Variants in ASXL1 observed in about 807,000 individuals in gnomAD.
ASXL1 encodes ASXL transcriptional regulator 1.
A neutral mutation model predicts 89.1 loss-of-function variants in ASXL1; 65 were observed. The ratio of observed to expected loss-of-function variants is 0.73; its 90% CI spans 0.60 to 0.90. ASXL1 has a LOEUF of 0.90. ASXL1 is among the 40% of genes least tolerant of loss of function. The pLI, the probability that ASXL1 is intolerant of heterozygous loss-of-function variation, is 0.00. For synonymous variants in ASXL1, 739 were observed against 746.9 expected, an observed-to-expected ratio of 0.99 and a Z score of 0.17; for missense variants, 1,786 against 1,942.9, an observed-to-expected ratio of 0.92 and a Z score of 1.52.
chr20:32,367,102 G>A (rs1314428362), intron 2 of ASXL1, among the ~76,000 whole-genome samples: 2 of 151,942 alleles, frequency 1.3e-5, no homozygotes, highest in East Asian at 1.9e-4. Context: ...AAAAAGCTGG[G>A]GGTAGTGGCC....
chr20:32,382,734 T>C (rs1446721422), intron 4 of ASXL1, among the ~76,000 whole-genome samples: 2 of 152,052 alleles, frequency 1.3e-5, no homozygotes, highest in Non-Finnish European at 2.9e-5. Context: ...TGCAGTGAGC[T>C]GTGATTGTGC....
chr20:32,418,598 A>G (rs2049179131), intron 4 of ASXL1, among the ~76,000 whole-genome samples: 1 of 152,094 alleles, frequency 6.6e-6, no homozygotes, highest in African/African-American at 2.4e-5. Context: ...GGTCATTCCT[A>G]TTCTCACCTC....
chr20:32,437,567 C>T lies in ASXL1; in HGVS notation c.*229C>T, dbSNP rs2012000462. On this transcript the variant is annotated 3_prime_UTR_variant, in exon 13 of 13. Transcript: ENST00000375687. ...ATTGGGCTGCCCAAGGCCAGCCAGC[C>T]TGAGCTCTCCTGCAAGACAGAGCCT... The T allele has an allele frequency of 3.3e-6, 2 of 611,508 alleles. No individual in the cohort carries two copies. The highest frequency in any genetic ancestry group is 3.0e-5 in the East Asian group (1 of 33,266). The allele number at this position is 611,508 out of a possible 1,614,324, so 37.9% of individuals were successfully genotyped here.
chr20:32,416,248 T>C (rs1264498330), intron 4 of ASXL1, among the ~76,000 whole-genome samples: 3 of 152,250 alleles, frequency 2.0e-5, no homozygotes, highest in Non-Finnish European at 2.9e-5. Flanking sequence ...TATTCTACTA[T>C]TGAATATTAG....
intron 4 of ASXL1, among the ~76,000 whole-genome samples, chr20:32,422,279 T>G (rs2123171837): frequency 6.6e-6 from 1 of 151,208 alleles, no homozygotes; most frequent in African/African-American, 2.4e-5. Context: ...TTGTTAGAAC[T>G]CATTAAATGG....
chr20:32,414,156 C>A (rs1600547999), intron 4 of ASXL1, among the ~76,000 whole-genome samples: 1 of 152,102 alleles, frequency 6.6e-6, no homozygotes, highest in East Asian at 1.9e-4. Flanking sequence ...GGGTCTTTTT[C>A]ATTCATTATG....
At chr20:32,362,124 T>C (rs1408968228) in intron 1 of ASXL1, among the ~76,000 whole-genome samples, 1 of 152,216 alleles carries the variant, frequency 6.6e-6, no homozygotes, top group East Asian at 1.9e-4. Context: ...GCTGTAACAC[T>C]GTACTGGAGA....
At chr20:32,401,636 A>G (rs1048091830) in intron 4 of ASXL1, among the ~76,000 whole-genome samples, 23 of 149,548 alleles carry the variant, frequency 1.5e-4, no homozygotes, top group African/African-American at 3.0e-4. Context: ...GCTCACTGCA[A>G]TCTGCACCTC....
At chr20:32,369,173 G>A (rs2048255866) in intron 4 of ASXL1, 50 bp downstream of exon 4, 1 of 1,527,580 alleles carries the variant, frequency 6.5e-7, no homozygotes. Context: ...GACTTTTAAT[G>A]TGCATAAAAA....
In ASXL1 at chr20:32,429,977, C is replaced by T. The variant is rs1001924517; in HGVS notation, c.642C>T (p.Ser214=). The change falls in exon 8 of 13, where the codon AGC becomes AGT. Residue 214 remains serine, a synonymous_variant. Coordinates refer to ENST00000375687, the MANE Select transcript of ASXL1 (RefSeq NM_015338.6). The surrounding 1 kb of genome is among the most constrained non-coding windows in gnomAD (Gnocchi z 4.9). ...SSSSGSLALG[S]AAIRGQAEVT... is the part of the protein sequence containing the mutation. Reference sequence around the variant, plus strand: ...GCAGCGGCTCTCTGGCCCTGGGCAGCGCTGCTATTCGTGGCCAGGCCGAGG... The same window carrying T: ...GCAGCGGCTCTCTGGCCCTGGGCAGTGCTGCTATTCGTGGCCAGGCCGAGG... 2.5e-6 allele frequency: 4 copies of T among 1,608,954 alleles called. No individual in the cohort carries two copies. Among genetic ancestry groups the T allele is most frequent in the South Asian group, 2.2e-5 (2 of 91,054 alleles).
intron 4 of ASXL1, among the ~76,000 whole-genome samples, chr20:32,375,264 G>A (rs544567183): frequency 2.4e-4 from 37 of 151,924 alleles, no homozygotes; most frequent in Non-Finnish European, 3.7e-4. Flanking sequence ...TCAGGAGTTC[G>A]CGGCAAAACC....
chr20:32,390,906 TC>T (rs1309264721), intron 4 of ASXL1, among the ~76,000 whole-genome samples: 4 of 152,004 alleles, frequency 2.6e-5, no homozygotes, highest in African/African-American at 9.7e-5. Context: ...TTCTTTTTTT[TC>T]TTTTTGGAGA....
rs763280972 is a variant in ASXL1, at chr20:32,435,133, T to TC, written c.2423dup (p.Ala809CysfsTer13). 1 of 1,613,940 alleles carries TC rather than the reference T, an allele frequency of 6.2e-7. No individual in the cohort carries two copies. The highest frequency in any genetic ancestry group is 8.5e-7 in the Non-Finnish European group (1 of 1,180,022). ...ATGATGAGGAGCAAGGACCCACCGTTCCTGCAGACAATGGTCCCATTCCGT... is the reference window on the plus strand; with the variant it reads ...ATGATGAGGAGCAAGGACCCACCGTTCCCTGCAGACAATGGTCCCATTCCGT... On this transcript the variant is annotated frameshift_variant, in exon 13 of 13. Coordinates refer to ENST00000375687, the MANE Select transcript of ASXL1 (RefSeq NM_015338.6). LOFTEE classifies it low-confidence loss of function (END_TRUNC).
At chr20:32,361,252 A>G (rs2048105394) in intron 1 of ASXL1, among the ~76,000 whole-genome samples, 1 of 152,156 alleles carries the variant, frequency 6.6e-6, no homozygotes, top group Non-Finnish European at 1.5e-5. Context: ...GAGGCTGAGG[A>G]TAGCTTAGGC....
rs11167168 is a variant in ASXL1, at chr20:32,422,580, ATT to A, written c.253-5526_253-5525del. On this transcript the variant is annotated intron_variant, in intron 4 of 12. Transcript: ENST00000375687. The stretch of plus-strand genomic sequence containing the variant: ...TAACTGTGTGGTGAAGGATTGGTTA[ATT>A]TTTTTTTTTTTTTTTTTTTTTAAAG... 4.0e-3 allele frequency among the ~76,000 whole-genome samples: 437 copies of A among 107,986 alleles called. 3 individuals carry two copies. The highest frequency in any genetic ancestry group is 8.5e-3 in the African/African-American group (227 of 26,550). The allele number at this position is 107,986 out of a possible 152,430, so 70.8% of individuals were successfully genotyped here. A position where few individuals can be genotyped will look rare whatever the true frequency, so the allele number is the denominator to read the frequency against.
In ASXL1 at chr20:32,429,852, TG is replaced by T; in HGVS notation, c.566-46del. 3 of 1,598,226 alleles carry T rather than the reference TG, an allele frequency of 1.9e-6. No homozygotes were observed. The highest frequency in any genetic ancestry group is 2.6e-6 in the Non-Finnish European group (3 of 1,176,276). ...GAGAAATGAGCTTGTCTGAGAGCCA[TG>T]GGCGCGGCTTGGTGATACTTTTGAC... On this transcript the variant is annotated intron_variant, in intron 7 of 12. Coordinates refer to ENST00000375687, the MANE Select transcript of ASXL1 (RefSeq NM_015338.6). The surrounding 1 kb of genome is among the most constrained non-coding windows in gnomAD (Gnocchi z 4.9).
rs11347237 is a variant in ASXL1, at chr20:32,382,608, C to CAA, written c.252+13503_252+13504dup. On this transcript the variant is annotated intron_variant, in intron 4 of 12. Coordinates refer to ENST00000375687, the MANE Select transcript of ASXL1 (RefSeq NM_015338.6). ...GCAACATATGGAGACCTCGTCTCTA[C>CAA]AAAAAAAAAAAAAAAAAAACAAAAC... 7.8e-4 allele frequency among the ~76,000 whole-genome samples: 75 copies of CAA among 95,914 alleles called. 2 individuals are homozygous for CAA. The highest frequency in any genetic ancestry group is 3.1e-3 in the South Asian group (10 of 3,228). 62.9% of individuals were successfully genotyped at this position (95,914 alleles called of 152,430 possible).
In ASXL1 at chr20:32,433,620, C is replaced by T. The variant is rs753459688; in HGVS notation, c.1422C>T (p.Pro474=). The T allele has an allele frequency of 1.6e-5, 26 of 1,613,298 alleles. No homozygotes were observed. Among genetic ancestry groups the T allele is most frequent in the South Asian group, 8.8e-5 (8 of 91,078 alleles). ...PHLPGTSSAA[P]DLEGPEFPVE... ...TGCCAGGCACATCCTCTGCAGCACCCGACCTGGAGGGTCCCGAATTCCCAG... is the reference window on the plus strand; with the variant it reads ...TGCCAGGCACATCCTCTGCAGCACCTGACCTGGAGGGTCCCGAATTCCCAG... Residue 474 remains proline (P), a synonymous_variant, in exon 12 of 13, where the codon CCC becomes CCT. Coordinates refer to ENST00000375687, the MANE Select transcript of ASXL1 (RefSeq NM_015338.6).
chr20:32,382,345 T>C (rs1370692210), intron 4 of ASXL1, among the ~76,000 whole-genome samples: 1 of 152,052 alleles, frequency 6.6e-6, no homozygotes, highest in Non-Finnish European at 1.5e-5. Context: ...TAAACCTTTC[T>C]CAGGGTGTGG....
Sources: gnomAD v4.1 joint callset for allele counts (sites outside exome capture counted in the v4.1 genomes callset) on GRCh38, gnomAD v4.1.1 for gene constraint, Gnocchi (gnomAD v3.1) non-coding constraint, MANE v1.5 for transcripts, NCBI Gene and HGNC (gene_info 2026-07-23, HGNC 2026-07-21) for gene names.